CX3CR1: variants seen among roughly 807,000 people sequenced by gnomAD.
CX3CR1 encodes CX3C chemokine receptor 1.
For synonymous variants in CX3CR1, 168 were observed against 178.5 expected, an observed-to-expected ratio of 0.94 and a Z score of 0.47; for missense variants, 363 against 432.4, an observed-to-expected ratio of 0.84 and a Z score of 1.42.
At chr3:39,286,674 A>AAT (rs2040946014), upstream of CX3CR1, 1 of 150,794 alleles carries the variant, frequency 6.6e-6, no homozygotes, top group African/African-American at 2.5e-5. Flanking sequence ...AAAAAAAAAA[A>AAT]AAAAGACTAT....
chr3:39,287,016 T>C, the CX3CR1 span: 3 of 152,232 alleles, frequency 2.0e-5, no homozygotes, highest in Non-Finnish European at 2.9e-5. Flanking sequence ...TACAAGTGAA[T>C]ACAGGGAAGC....
At chr3:39,283,795 TTATATATATATATATA>T (rs59133796), upstream of CX3CR1, among the ~76,000 whole-genome samples, 1,087 of 65,286 alleles carry the variant, frequency 0.017, 37 homozygotes, top group South Asian at 0.029. Flanking sequence ...AAAAAAAAAA[TTATATATATATATATA>T]TATATATATA....
chr3:39,282,888 A>ATGTTTT (rs56310839), upstream of CX3CR1, among the ~76,000 whole-genome samples: 2,623 of 152,094 alleles, frequency 0.017, 68 homozygotes, highest in African/African-American at 0.059. Context: ...GCAGGTGCTA[A>ATGTTTT]TGTTTTTGTT....
In CX3CR1 at chr3:39,265,786, G is replaced by C. The variant is rs534344905; in HGVS notation, c.724C>G (p.Leu242Val). 8.7e-6 allele frequency: 14 copies of C among 1,614,144 alleles called. No individual in the cohort carries two copies. In the African/African-American group the frequency reaches 1.6e-4, roughly 18 times the overall value. Residue 242 changes from leucine to valine, a missense_variant, in exon 2 of 2, where the codon CTC (leucine) becomes GTC (valine). Coordinates refer to ENST00000399220, the MANE Select transcript of CX3CR1 (RefSeq NM_001337.4). Reference sequence around the variant, plus strand: ...ATAACGTTGTAGGGTGTCCAGAAGAGGAAAAACACGATGACCACCAGAAGG... The same window carrying C: ...ATAACGTTGTAGGGTGTCCAGAAGACGAAAAACACGATGACCACCAGAAGG... ...LILLVVIVFF[L>V]FWTPYNVMIF... is the part of the protein sequence containing the mutation.
rs200607201 is a variant in CX3CR1, at chr3:39,265,939, G to A, written c.571C>T (p.Arg191Cys). Reference protein sequence around the residue: ...EVLQEIWPVLRNVETNFLGFL... With the variant: ...EVLQEIWPVLCNVETNFLGFL... Reference sequence around the variant, plus strand: ...CCAAGAAAATTTGTTTCCACATTGCGGAGCACGGGCCAGATTTCCTGGAGG... The same window carrying A: ...CCAAGAAAATTTGTTTCCACATTGCAGAGCACGGGCCAGATTTCCTGGAGG... The change falls in exon 2 of 2, where the codon CGC (arginine) becomes TGC (cysteine). Residue 191 changes from arginine (R) to cysteine (C), a missense_variant. Physicochemically the swap from Arg to Cys is radical, Grantham distance 180 (BLOSUM62 -3). Transcript: ENST00000399220. 2.3e-4 allele frequency: 378 copies of A among 1,614,172 alleles called. 7 individuals are homozygous for A. The South Asian group carries it at 3.3e-3, about 14-fold the overall frequency.
At chr3:39,278,212 T>A (rs1017803603) in intron 1 of CX3CR1, among the ~76,000 whole-genome samples, 40 of 152,188 alleles carry the variant, frequency 2.6e-4, no homozygotes, top group African/African-American at 9.7e-4. Context: ...TGATGGATAG[T>A]AGGTGCTCCC....
Position 39,265,272 on chromosome 3 carries a change from A to G in CX3CR1, c.*170T>C. ...GTCATTCAAAGAGTTCAATTTGTTC[A>G]TTCTTCAAATTTTGAGCACAATTCT... On this transcript the variant is annotated 3_prime_UTR_variant, in exon 2 of 2. Coordinates refer to ENST00000399220, the MANE Select transcript of CX3CR1 (RefSeq NM_001337.4). 1 of 616,678 alleles carries G rather than the reference A, an allele frequency of 1.6e-6. No individual in the cohort carries two copies. The allele number at this position is 616,678 out of a possible 1,614,324, so 38.2% of individuals were successfully genotyped here.
chr3:39,282,723 T>C (rs781118056), upstream of CX3CR1, among the ~76,000 whole-genome samples: 9 of 152,278 alleles, frequency 5.9e-5, no homozygotes, highest in South Asian at 2.1e-4. Flanking sequence ...TTCACCTTAA[T>C]TGCCAAACCA....
chr3:39,271,792 T>C (rs2040781180), intron 1 of CX3CR1, among the ~76,000 whole-genome samples: 1 of 152,252 alleles, frequency 6.6e-6, no homozygotes, highest in South Asian at 2.1e-4. Context: ...CGCAGAAGTA[T>C]TCCAGTGAAC....
At chr3:39,280,580 A>G (rs1160973903), upstream of CX3CR1, 1 of 568,776 alleles carries the variant, frequency 1.8e-6, no homozygotes, top group Non-Finnish European at 2.2e-6. Flanking sequence ...TACTGAAGGC[A>G]TCTAGTGAGT....
upstream of CX3CR1, among the ~76,000 whole-genome samples, chr3:39,282,104 T>C (rs2040908274): frequency 6.6e-6 from 1 of 152,218 alleles, no homozygotes; most frequent in African/African-American, 2.4e-5. Flanking sequence ...GAGCGAGATG[T>C]CAGCTCATCC....
At chr3:39,279,658 T>A (rs189274028) in intron 1 of CX3CR1, among the ~76,000 whole-genome samples, 6 of 152,334 alleles carry the variant, frequency 3.9e-5, no homozygotes, top group Admixed American at 6.5e-5. Flanking sequence ...CTCAACAGCA[T>A]CCAGATGCAA....
intron 1 of CX3CR1, among the ~76,000 whole-genome samples, chr3:39,275,464 G>A (rs981340363): frequency 6.6e-6 from 1 of 152,172 alleles, no homozygotes; most frequent in African/African-American, 2.4e-5. Flanking sequence ...CTAATTACCA[G>A]GTAAATTTAG....
intron 1 of CX3CR1, among the ~76,000 whole-genome samples, chr3:39,267,172 T>C (rs2040711589): frequency 6.8e-6 from 1 of 146,710 alleles, no homozygotes; most frequent in South Asian, 2.2e-4. Flanking sequence ...GACCAATGTG[T>C]GGATGAGAAA....
At chr3:39,280,230 GGA>G (rs2125557159), upstream of CX3CR1, 6 of 985,792 alleles carry the variant, frequency 6.1e-6, no homozygotes, top group Non-Finnish European at 4.8e-6. Flanking sequence ...GGAGCTGGAG[GGA>G]GAGAGGTGCC....
At chr3:39,280,057 C>T, upstream of CX3CR1, 1 of 984,220 alleles carries the variant, frequency 1.0e-6, no homozygotes, top group Non-Finnish European at 1.2e-6. Context: ...CCTCTAAGAG[C>T]ATTTTATTTG....
intron 1 of CX3CR1, among the ~76,000 whole-genome samples, chr3:39,270,226 T>G (rs1005122914): frequency 1.3e-5 from 2 of 152,258 alleles, no homozygotes; most frequent in Non-Finnish European, 2.9e-5. Context: ...AACAACAGCC[T>G]TAGCTTCCTC....
At chr3:39,276,083 CA>C (rs2040837122) in intron 1 of CX3CR1, among the ~76,000 whole-genome samples, 1 of 152,102 alleles carries the variant, frequency 6.6e-6, no homozygotes, top group Non-Finnish European at 1.5e-5. Flanking sequence ...CAAGGCCAGG[CA>C]GAGGGAAATA....
At chr3:39,271,783 G>C (rs1368702240) in intron 1 of CX3CR1, among the ~76,000 whole-genome samples, 3 of 152,198 alleles carry the variant, frequency 2.0e-5, no homozygotes, top group Non-Finnish European at 4.4e-5. Context: ...TGTGTCCTTC[G>C]CAGAAGTATT....
Sources: gnomAD v4.1 joint callset for allele counts (sites outside exome capture counted in the v4.1 genomes callset) on GRCh38, gnomAD v4.1.1 for gene constraint, MANE v1.5 for transcripts, NCBI Gene and HGNC (gene_info 2026-07-23, HGNC 2026-07-21) for gene names.